The following PTK2B variants were observed in gnomAD, a reference collection of about 807,000 sequenced individuals.
PTK2B encodes protein tyrosine kinase 2 beta, also known as protein-tyrosine kinase 2-beta.
A neutral mutation model predicts 142.9 loss-of-function variants in PTK2B; 71 were observed. The ratio of observed to expected loss-of-function variants is 0.50; its 90% CI spans 0.41 to 0.61. The LOEUF (loss-of-function observed/expected upper bound fraction) is 0.61, where lower values mean the gene tolerates loss of function less well. Ranked by LOEUF, PTK2B falls within the 20% of genes least tolerant of loss-of-function variation. The pLI is 0.00. For synonymous variants in PTK2B, 519 were observed against 503.4 expected, an observed-to-expected ratio of 1.03 and a Z score of -0.42; for missense variants, 1,105 against 1,320.4, an observed-to-expected ratio of 0.84 and a Z score of 2.53.
intron 24 of PTK2B, 85 bp from the exon 25 acceptor site, chr8:27,450,664 A>G (rs1199529370): frequency 6.5e-7 from 1 of 1,536,620 alleles, no homozygotes; most frequent in African/African-American, 1.4e-5. Context: ...TGCAGCTGCC[A>G]TGAGGTTCTT....
intron 15 of PTK2B, 40 bp downstream of exon 15, chr8:27,436,388 G>T: frequency 6.4e-7 from 1 of 1,561,106 alleles, no homozygotes; most frequent in South Asian, 1.1e-5. Flanking sequence ...TCTTCCACAT[G>T]TCTGTAGGGT....
At chr8:27,311,329 G>A, upstream of PTK2B, 3 of 1,371,964 alleles carry the variant, frequency 2.2e-6, no homozygotes, top group Non-Finnish European at 1.9e-6. Flanking sequence ...GCTGGGAATC[G>A]CCCAGTCCCT....
chr8:27,318,907 TC>T lies in PTK2B; in HGVS notation c.-413-3492del, dbSNP rs573727156. On this transcript the variant is annotated intron_variant, in intron 3 of 35. Transcript: ENST00000397501. ...CTGAAGTGATCTGCCCACCTCAGCC[TC>T]CCAAAGTGCTGGGATTACAGGCGTG... Among the ~76,000 whole-genome samples, 951 of 152,284 alleles carry T rather than the reference TC, an allele frequency of 6.2e-3. 9 individuals carry two copies. The highest frequency in any genetic ancestry group is 9.5e-3 in the Non-Finnish European group (645 of 68,018).
intron 2 of PTK2B, among the ~76,000 whole-genome samples, chr8:27,400,796 G>C (rs4732722): frequency 6.6e-6 from 1 of 152,014 alleles, no homozygotes; most frequent in South Asian, 2.1e-4. Context: ...CCACGGAGGA[G>C]CGTGGGTCTG....
chr8:27,385,315 GAGGAAATCATGATCATGGGGTGGCAA>G (rs1807282125), intron 1 of PTK2B, among the ~76,000 whole-genome samples: 3 of 152,212 alleles, frequency 2.0e-5, no homozygotes, highest in Admixed American at 1.3e-4. Context: ...CAGGGCTGGA[GAGGAAATCATGATCATGGGGTGGCAA>G]AGGACCTCAA....
chr8:27,335,283 T>A (rs1366749795), intron 1 of PTK2B, among the ~76,000 whole-genome samples: 2 of 152,152 alleles, frequency 1.3e-5, no homozygotes, highest in African/African-American at 4.8e-5. Context: ...CTGTCTTTAC[T>A]TGACCCTGTA....
chr8:27,453,195 A>T (rs1811930456), intron 28 of PTK2B, 35 bp downstream of exon 28: 5 of 1,612,570 alleles, frequency 3.1e-6, no homozygotes, highest in South Asian at 1.1e-5. Context: ...GATAAATGAG[A>T]GTGGGGGTTG....
At chr8:27,331,459 GT>G (rs984835713) in intron 1 of PTK2B, among the ~76,000 whole-genome samples, 4 of 103,728 alleles carry the variant, frequency 3.9e-5, no homozygotes, top group Admixed American at 3.1e-4. Context: ...TCATTTTCTG[GT>G]TTTTTTTTTT....
chr8:27,446,026 C>T (rs939877284), intron 24 of PTK2B, 107 bp downstream of exon 24: 9 of 1,485,972 alleles, frequency 6.1e-6, no homozygotes, highest in Non-Finnish European at 8.2e-6. Context: ...AGGGCCCTTC[C>T]TGTTCCCATG....
intron 1 of PTK2B, among the ~76,000 whole-genome samples, chr8:27,332,830 C>T (rs182589804): frequency 3.7e-4 from 57 of 152,284 alleles, no homozygotes; most frequent in East Asian, 3.9e-4. Flanking sequence ...AATTCTGCTT[C>T]GGCCTCCCAG....
At chr8:27,374,442 T>C (rs1806544867) in intron 1 of PTK2B, among the ~76,000 whole-genome samples, 1 of 152,138 alleles carries the variant, frequency 6.6e-6, no homozygotes, top group East Asian at 1.9e-4. Flanking sequence ...GCAGCACAGG[T>C]GGGTCAGGAG....
intron 17 of PTK2B, 121 bp from the exon 18 acceptor site, chr8:27,437,644 C>A: frequency 8.1e-7 from 1 of 1,234,492 alleles, no homozygotes; most frequent in Non-Finnish European, 1.1e-6. Context: ...GAACATTTTG[C>A]CAGCTTTGGG....
intron 9 of PTK2B, among the ~76,000 whole-genome samples, chr8:27,431,930 C>A (rs962363164): frequency 2.6e-5 from 4 of 152,066 alleles, no homozygotes; most frequent in African/African-American, 9.7e-5. Context: ...CCCAGGATGG[C>A]TTTGAATGCA....
intron 1 of PTK2B, among the ~76,000 whole-genome samples, chr8:27,351,983 C>G (rs1167909804): frequency 6.6e-6 from 1 of 152,202 alleles, no homozygotes; most frequent in African/African-American, 2.4e-5. Flanking sequence ...TTCCCATGGT[C>G]TCTTCAATAA....
intron 28 of PTK2B, 150 bp downstream of exon 28, chr8:27,453,310 G>A: frequency 2.9e-6 from 3 of 1,033,636 alleles, no homozygotes; most frequent in Non-Finnish European, 4.3e-6. Flanking sequence ...GGGGCGGGTG[G>A]CGGGGTGCCT....
At position 27,442,893 on chromosome 8, in the gene PTK2B, G is replaced by A; in HGVS notation, c.2058G>A (p.Glu686=). The change falls in exon 22 of 31, where the codon GAG becomes GAA. Residue 686 remains glutamate, a synonymous_variant. Transcript: ENST00000346049. The part of the protein sequence containing the change: ...VCSLSDVYQM[E]KDIAMEQERN... ...CCTGCAGTGACGTTTATCAGATGGA[G>A]AAGGACATTGCCATGGAGCAAGAGA... The A allele has an allele frequency of 6.2e-7, 1 of 1,614,152 alleles. No homozygotes were observed. The highest frequency in any genetic ancestry group is 1.1e-5 in the South Asian group (1 of 91,082).
At chr8:27,328,262 G>A (rs528363107) in intron 1 of PTK2B, among the ~76,000 whole-genome samples, 2 of 152,288 alleles carry the variant, frequency 1.3e-5, no homozygotes, top group East Asian at 1.9e-4. Flanking sequence ...AGACAAATGC[G>A]CCATGAAATT....
At chr8:27,338,680 T>C (rs943646119) in intron 1 of PTK2B, among the ~76,000 whole-genome samples, 1 of 152,262 alleles carries the variant, frequency 6.6e-6, no homozygotes, top group Non-Finnish European at 1.5e-5. Flanking sequence ...GGAGTGCTAA[T>C]ACTTTTCCCA....
intron 20 of PTK2B, 53 bp from the exon 21 acceptor site, chr8:27,440,184 G>C: frequency 6.4e-7 from 1 of 1,562,238 alleles, no homozygotes; most frequent in South Asian, 1.1e-5. Flanking sequence ...GTGCTTCTGG[G>C]TGGGAGGGAC....
Sources: allele counts gnomAD v4.1 joint callset (sites outside exome capture counted in the v4.1 genomes callset), GRCh38; gene constraint gnomAD v4.1.1; transcripts MANE v1.5; gene names NCBI Gene and HGNC (gene_info 2026-07-23, HGNC 2026-07-21).